Variants in DPYSL2 observed in about 807,000 individuals in gnomAD.
The protein encoded by DPYSL2 is dihydropyrimidinase-related protein 2.
DPYSL2 carries 13 observed loss-of-function variants against 69.9 expected under a neutral mutation model. That is an observed-to-expected ratio of 0.19 (90% CI 0.12 to 0.30). The LOEUF (loss-of-function observed/expected upper bound fraction) is 0.30. Ranked by LOEUF, DPYSL2 falls within the 10% of genes least tolerant of loss-of-function variation. DPYSL2 has a pLI of 1.00. For missense variants in DPYSL2, 587 were observed against 918.9 expected (o/e 0.64, Z 4.67); for synonymous variants, 326 against 359.1 (o/e 0.91, Z 1.04).
intron 1 of DPYSL2, among the ~76,000 whole-genome samples, chr8:26,543,855 G>A (rs1282816203): frequency 6.6e-6 from 1 of 152,086 alleles, no homozygotes; most frequent in African/African-American, 2.4e-5. Flanking sequence ...TTTCAGGCCG[G>A]GCTGGTCTTG....
At position 26,642,079 on chromosome 8, in the gene DPYSL2, G is replaced by A. The variant is rs1803063347; in HGVS notation, c.1127-1360G>A. On this transcript the variant is annotated intron_variant, in intron 8 of 13. Transcript: ENST00000521913. This position sits in a 1 kb window ranked among gnomAD's most constrained non-coding sequence, Gnocchi z 5.3. ...GGTGGGAGTTAGCCCTGTGCTGGGG[G>A]GAGCTAGTGAGAGATGAATTCAGCT... Among the ~76,000 whole-genome samples the A allele has an allele frequency of 6.6e-6, 1 of 152,224 alleles. No individual in the cohort carries two copies. Among genetic ancestry groups the A allele is most frequent in the Non-Finnish European group, 1.5e-5 (1 of 68,034 alleles).
chr8:26,649,060 A>G (rs1803230092), intron 11 of DPYSL2, among the ~76,000 whole-genome samples: 1 of 152,162 alleles, frequency 6.6e-6, no homozygotes, highest in South Asian at 2.1e-4. Flanking sequence ...GAACCTCCCT[A>G]TTCATGTGCC....
chr8:26,535,745 C>T (rs1800581225), intron 1 of DPYSL2, among the ~76,000 whole-genome samples: 1 of 151,812 alleles, frequency 6.6e-6, no homozygotes, highest in African/African-American at 2.4e-5. Context: ...AATTTGCTGA[C>T]ATTGCTTTGA....
At chr8:26,557,417 T>A (rs149817583) in intron 1 of DPYSL2, among the ~76,000 whole-genome samples, 2 of 151,868 alleles carry the variant, frequency 1.3e-5, no homozygotes, top group Non-Finnish European at 2.9e-5. Context: ...CCAAAGAAGA[T>A]GTACTCACGG....
At chr8:26,568,657 T>C (rs1585514074) in intron 1 of DPYSL2, among the ~76,000 whole-genome samples, 1 of 136,426 alleles carries the variant, frequency 7.3e-6, no homozygotes, top group African/African-American at 3.0e-5. Context: ...TGTTTTTGGA[T>C]GAGTGAGCAG....
intron 3 of DPYSL2, among the ~76,000 whole-genome samples, chr8:26,618,445 T>G (rs1331970332): frequency 6.6e-6 from 1 of 151,400 alleles, no homozygotes; most frequent in African/African-American, 2.4e-5. Flanking sequence ...CCCGAGTAGC[T>G]GCGACTACAG....
intron 1 of DPYSL2, among the ~76,000 whole-genome samples, chr8:26,553,673 T>C (rs1563383775): frequency 6.6e-6 from 1 of 152,296 alleles, no homozygotes; most frequent in East Asian, 1.9e-4. Context: ...TGAATAGTGC[T>C]GCAACGAATA....
chr8:26,587,822 G>A lies in DPYSL2; in HGVS notation c.628+3839G>A, dbSNP rs888202712. On this transcript the variant is annotated intron_variant, in intron 3 of 13. Coordinates refer to ENST00000521913, the MANE Select transcript of DPYSL2 (RefSeq NM_001197293.3). The surrounding 1 kb of genome is among the most constrained non-coding windows in gnomAD (Gnocchi z 4.2). ...CTACGGACTTCCCAGGGCCTTCATG[G>A]TCATTTGAGTTCAGGATCTCAGAGT... 1.2e-4 allele frequency among the ~76,000 whole-genome samples: 19 copies of A among 152,132 alleles called. No homozygotes were observed. Among genetic ancestry groups the A allele is most frequent in the Non-Finnish European group, 1.9e-4 (13 of 68,016 alleles).
chr8:26,554,365 G>GT (rs1224363471), intron 1 of DPYSL2, among the ~76,000 whole-genome samples: 5 of 66,828 alleles, frequency 7.5e-5, no homozygotes, highest in Admixed American at 4.2e-4. Flanking sequence ...AGTTTTTAAT[G>GT]GTTTTTTTTT....
chr8:26,604,516 G>T (rs930506452), intron 3 of DPYSL2, among the ~76,000 whole-genome samples: 1 of 152,222 alleles, frequency 6.6e-6, no homozygotes, highest in Non-Finnish European at 1.5e-5. Flanking sequence ...CTCATCTTGA[G>T]AGAGGCTGAG....
At chr8:26,577,551 G>C (rs1801380614) in intron 1 of DPYSL2, among the ~76,000 whole-genome samples, 2 of 149,118 alleles carry the variant, frequency 1.3e-5, no homozygotes. Flanking sequence ...AGGGACCGGG[G>C]CGCGCGCAGG....
chr8:26,577,110 CG>C (rs898332289), intron 1 of DPYSL2: 23 of 441,530 alleles, frequency 5.2e-5, no homozygotes, highest in Non-Finnish European at 1.0e-4. Flanking sequence ...CAGCCTTCCC[CG>C]GATGCCTCCT....
At position 26,598,078 on chromosome 8, in the gene DPYSL2, G is replaced by A. The variant is rs114429706; in HGVS notation, c.628+14095G>A. 4.1e-3 allele frequency among the ~76,000 whole-genome samples: 621 copies of A among 152,260 alleles called. 4 individuals are homozygous for A. Among genetic ancestry groups the A allele is most frequent in the African/African-American group, 0.014 (590 of 41,548 alleles). On this transcript the variant is annotated intron_variant, in intron 3 of 13. Transcript: ENST00000521913. The surrounding 1 kb of genome is among the most constrained non-coding windows in gnomAD (Gnocchi z 4.2). ...GGATCAGCATGTCTTGCATAATAGGGTTGCTTTGAGGATCCAGGGAGGTGG... is the reference window on the plus strand; with the variant it reads ...GGATCAGCATGTCTTGCATAATAGGATTGCTTTGAGGATCCAGGGAGGTGG...
At position 26,627,687 on chromosome 8, in the gene DPYSL2, C is replaced by G. The variant is rs1330429586; in HGVS notation, c.937-185C>G. On this transcript the variant is annotated intron_variant, in intron 6 of 13. Coordinates refer to ENST00000521913, the MANE Select transcript of DPYSL2 (RefSeq NM_001197293.3). The surrounding 1 kb of genome is among the most constrained non-coding windows in gnomAD (Gnocchi z 6.9). ...TTTGGGAGGCTGTAATTGATCCATC[C>G]TGCTCAGGCGGGACTGGGAACAGGG... Among the ~76,000 whole-genome samples the G allele has an allele frequency of 6.6e-6, 1 of 152,210 alleles. No individual in the cohort carries two copies. The highest frequency in any genetic ancestry group is 1.5e-5 in the Non-Finnish European group (1 of 68,042).
At position 26,648,744 on chromosome 8, in the gene DPYSL2, C is replaced by T. The variant is rs1251866331; in HGVS notation, c.1596+944C>T. On this transcript the variant is annotated intron_variant, in intron 11 of 13. Coordinates refer to ENST00000521913, the MANE Select transcript of DPYSL2 (RefSeq NM_001197293.3). This position sits in a 1 kb window ranked among gnomAD's most constrained non-coding sequence, Gnocchi z 4.3. ...TTAGGGCAGGTTTCTGGCATTTCTC[C>T]GGGACAACCCTGGGACTTTGCCCTG... 2.6e-5 allele frequency among the ~76,000 whole-genome samples: 4 copies of T among 152,220 alleles called. No homozygotes were observed. Among genetic ancestry groups the T allele is most frequent in the South Asian group, 4.1e-4 (2 of 4,832 alleles).
In DPYSL2 at chr8:26,640,774, C is replaced by T. The variant is rs1803023132; in HGVS notation, c.1127-2665C>T. On this transcript the variant is annotated intron_variant, in intron 8 of 13. Transcript: ENST00000521913. The surrounding 1 kb of genome is among the most constrained non-coding windows in gnomAD (Gnocchi z 4.2). Reference sequence around the variant, plus strand: ...AGTAGAAATGAACCACAGGATGGCTCCATCCCTCCCCTGGCATCCACTGCC... The same window carrying T: ...AGTAGAAATGAACCACAGGATGGCTTCATCCCTCCCCTGGCATCCACTGCC... Among the ~76,000 whole-genome samples the T allele has an allele frequency of 6.6e-6, 1 of 152,202 alleles. No individual in the cohort carries two copies. The highest frequency in any genetic ancestry group is 1.5e-5 in the Non-Finnish European group (1 of 68,028).
rs1280941487 is a variant in DPYSL2, at chr8:26,621,891, T to C, written c.629-2252T>C. On this transcript the variant is annotated intron_variant, in intron 3 of 13. Coordinates refer to ENST00000521913, the MANE Select transcript of DPYSL2 (RefSeq NM_001197293.3). This position sits in a 1 kb window ranked among gnomAD's most constrained non-coding sequence, Gnocchi z 4.9. Reference sequence around the variant, plus strand: ...AAGAGTTTGAATTGGACTCTAAGGATGGTAGACAGCTACTAAAGGATTTAA... The same window carrying C: ...AAGAGTTTGAATTGGACTCTAAGGACGGTAGACAGCTACTAAAGGATTTAA... Among the ~76,000 whole-genome samples the C allele has an allele frequency of 6.6e-6, 1 of 152,118 alleles. No homozygotes were observed. The highest frequency in any genetic ancestry group is 1.5e-5 in the Non-Finnish European group (1 of 68,018).
chr8:26,608,583 C>T (rs570267213), intron 3 of DPYSL2, among the ~76,000 whole-genome samples: 14 of 152,206 alleles, frequency 9.2e-5, no homozygotes, highest in Non-Finnish European at 1.0e-4. Context: ...CAGCTGTCCA[C>T]ACAGTTATAA....
chr8:26,631,826 G>A (rs1016000409), intron 7 of DPYSL2, among the ~76,000 whole-genome samples: 2 of 152,124 alleles, frequency 1.3e-5, no homozygotes, highest in African/African-American at 4.8e-5. Context: ...TAGAACTCAA[G>A]CCCACAGGCA....
Sources: allele counts gnomAD v4.1 joint callset (sites outside exome capture counted in the v4.1 genomes callset), GRCh38; gene constraint gnomAD v4.1.1; non-coding constraint Gnocchi (gnomAD v3.1); transcripts MANE v1.5; gene names NCBI Gene and HGNC (gene_info 2026-07-23, HGNC 2026-07-21).